Variants in SNW1 observed in about 807,000 individuals in gnomAD.
The protein encoded by SNW1 is SNW domain containing 1.
In SNW1, 9 loss-of-function variants were observed where a neutral mutation model predicts 75.6. That is an observed-to-expected ratio of 0.12 (90% CI 0.07 to 0.21). The LOEUF is 0.21. SNW1 is among the 10% of genes least tolerant of loss of function. The pLI is 1.00. For synonymous variants in SNW1, 200 were observed against 219.1 expected (o/e 0.91, Z 0.77); for missense variants, 409 against 670.9 (o/e 0.61, Z 4.31).
Position 77,717,648 on chromosome 14 carries a change from G to A in SNW1, c.*440C>T, listed in dbSNP as rs1802227. 3.7e-6 allele frequency: 5 copies of A among 1,340,672 alleles called. No homozygotes were observed. The highest frequency in any genetic ancestry group is 1.1e-6 in the Non-Finnish European group (1 of 951,736). The allele number at this position is 1,340,672 out of a possible 1,614,324, so 83.0% of individuals were successfully genotyped here. On this transcript the variant is annotated 3_prime_UTR_variant, in exon 14 of 14. Transcript: ENST00000261531. ...AACAAATAGTTGCACCAAGCAAGAG[G>A]TTACTTTGCCCACTCCAAATTAAAA...
At chr14:77,724,377 TTCTTC>T (rs1168394258) in intron 10 of SNW1, among the ~76,000 whole-genome samples, 6 of 152,226 alleles carry the variant, frequency 3.9e-5, no homozygotes, top group African/African-American at 1.4e-4. Context: ...TCATTAACTA[TTCTTC>T]TCTTCTAGCT....
intron 3 of SNW1, among the ~76,000 whole-genome samples, chr14:77,740,486 T>G (rs72687217): frequency 0.17 from 25,571 of 152,176 alleles, 2,470 homozygotes; most frequent in Non-Finnish European, 0.23. Flanking sequence ...GCCTATGCCT[T>G]CAATCTCCCC....
chr14:77,747,414 C>T (rs1345268509), intron 3 of SNW1, among the ~76,000 whole-genome samples: 16 of 151,490 alleles, frequency 1.1e-4, no homozygotes, highest in African/African-American at 3.6e-4. Context: ...TGCCCGGCCG[C>T]CCAGTCTGGG....
intron 12 of SNW1, among the ~76,000 whole-genome samples, chr14:77,719,890 G>C (rs1049450379): frequency 6.6e-6 from 1 of 152,194 alleles, no homozygotes. Context: ...TCATAATTAA[G>C]TTTCCCACTC....
chr14:77,741,164 ATT>A (rs989806007), intron 3 of SNW1, among the ~76,000 whole-genome samples: 2 of 150,436 alleles, frequency 1.3e-5, no homozygotes, highest in African/African-American at 4.9e-5. Context: ...TTTGATCAAT[ATT>A]TTTTGTACAA....
At chr14:77,760,818 C>G (rs1429216119) in intron 1 of SNW1, 1 of 718,238 alleles carries the variant, frequency 1.4e-6, no homozygotes, top group African/African-American at 1.7e-5. Context: ...CCTGAGGGAG[C>G]GCTGTCCGCT....
chr14:77,759,873 T>G (rs550447607), intron 1 of SNW1, among the ~76,000 whole-genome samples: 10 of 152,044 alleles, frequency 6.6e-5, no homozygotes, highest in Admixed American at 1.3e-4. Context: ...ATCCTAGCAC[T>G]TTCGGAGGCC....
chr14:77,751,052 CTG>C (rs1255571601), intron 3 of SNW1, among the ~76,000 whole-genome samples: 6 of 152,116 alleles, frequency 3.9e-5, no homozygotes, highest in Non-Finnish European at 8.8e-5. Flanking sequence ...TATAAAGTAA[CTG>C]TTTTAAAATG....
chr14:77,755,252 G>A lies in SNW1; in HGVS notation c.15-132C>T, dbSNP rs542694928. 26 of 756,702 alleles carry A rather than the reference G, an allele frequency of 3.4e-5. No homozygotes were observed. In the East Asian group the frequency reaches 6.8e-4, roughly 20 times the overall value. The allele number at this position is 756,702 out of a possible 1,614,324, so 46.9% of individuals were successfully genotyped here. On this transcript the variant is annotated intron_variant, in intron 1 of 13. Coordinates refer to ENST00000261531, the MANE Select transcript of SNW1 (RefSeq NM_012245.3). ...TCAGAAAAAGAGCAGATTTTTCAATGATTTATGGTAGTACTCAATACTAGC... is the reference window on the plus strand; with the variant it reads ...TCAGAAAAAGAGCAGATTTTTCAATAATTTATGGTAGTACTCAATACTAGC...
At chr14:77,721,384 G>GT (rs1269580904) in intron 11 of SNW1, among the ~76,000 whole-genome samples, 1 of 152,106 alleles carries the variant, frequency 6.6e-6, no homozygotes, top group Non-Finnish European at 1.5e-5. Context: ...TGAAACCATG[G>GT]TAACTGTCAT....
chr14:77,745,716 GT>G (rs1051124494), intron 3 of SNW1, among the ~76,000 whole-genome samples: 1 of 148,458 alleles, frequency 6.7e-6, no homozygotes. Flanking sequence ...CAGAAAAAAA[GT>G]TTTTTTCTTC....
chr14:77,730,385 C>T (rs1001911269), intron 10 of SNW1, among the ~76,000 whole-genome samples: 14 of 152,096 alleles, frequency 9.2e-5, no homozygotes, highest in African/African-American at 3.4e-4. Context: ...ACCTTGCACA[C>T]AGCAGATGCT....
At chr14:77,737,906 C>A (rs774176961) in intron 5 of SNW1, among the ~76,000 whole-genome samples, 25 of 143,628 alleles carry the variant, frequency 1.7e-4, no homozygotes, top group Non-Finnish European at 3.4e-4. Context: ...GCAGGAGAAT[C>A]GCTTGAACCC....
At chr14:77,737,171 A>G in intron 5 of SNW1, 96 bp from the exon 6 acceptor site, 1 of 846,394 alleles carries the variant, frequency 1.2e-6, no homozygotes, top group Non-Finnish European at 2.0e-6. Flanking sequence ...TACATTTTCA[A>G]TTCCTTTCGC....
At position 77,718,104 on chromosome 14, in the gene SNW1, T is replaced by C. The variant is rs374700062; in HGVS notation, c.1595A>G (p.Lys532Arg). Residue 532 changes from lysine to arginine, a missense_variant, in exon 14 of 14, where the codon AAG (lysine) becomes AGG (arginine). By Grantham distance (26) the Lys-to-Arg change is conservative. Transcript: ENST00000261531. ...RPKEHEHEGKKRRKE is the reference protein window; with the variant it reads ...RPKEHEHEGKRRRKE ...GACCTGTGCCTATTCCTTCCTCCTC[T>C]TCTTGCCTTCATGCTCGTGTTCCTT... 1.1e-4 allele frequency: 177 copies of C among 1,591,660 alleles called. No individual in the cohort carries two copies. The highest frequency in any genetic ancestry group is 1.7e-4 in the Middle Eastern group (1 of 5,938).
At chr14:77,720,107 G>T (rs1325158082) in intron 12 of SNW1, among the ~76,000 whole-genome samples, 1 of 152,140 alleles carries the variant, frequency 6.6e-6, no homozygotes, top group African/African-American at 2.4e-5. Flanking sequence ...AGCATTAAAA[G>T]AAAAATCCAA....
chr14:77,742,780 T>A (rs1250878409), intron 3 of SNW1, among the ~76,000 whole-genome samples: 5 of 151,440 alleles, frequency 3.3e-5, no homozygotes, highest in South Asian at 4.2e-4. Flanking sequence ...CCCAGGCTAG[T>A]CTCAAACTCC....
At chr14:77,720,146 A>C (rs72685300) in intron 12 of SNW1, among the ~76,000 whole-genome samples, 1 of 152,144 alleles carries the variant, frequency 6.6e-6, no homozygotes, top group Non-Finnish European at 1.5e-5. Flanking sequence ...CCCAAGAGGC[A>C]CTTTTGTAGG....
At chr14:77,742,991 C>CG (rs1309360154) in intron 3 of SNW1, among the ~76,000 whole-genome samples, 1 of 151,398 alleles carries the variant, frequency 6.6e-6, no homozygotes, top group Non-Finnish European at 1.5e-5. Flanking sequence ...TTTAGGAGGC[C>CG]GAGGTGGGTG....
Sources: gnomAD v4.1 joint callset for allele counts (sites outside exome capture counted in the v4.1 genomes callset) on GRCh38, gnomAD v4.1.1 for gene constraint, MANE v1.5 for transcripts, NCBI Gene and HGNC (gene_info 2026-07-23, HGNC 2026-07-21) for gene names.